Variants in GRAMD1C observed in about 807,000 individuals in gnomAD.
GRAMD1C encodes protein Aster-C.
GRAMD1C carries 89 observed loss-of-function variants against 97.8 expected under a neutral mutation model. That is an observed-to-expected ratio of 0.91 (90% CI 0.77 to 1.09). The LOEUF (loss-of-function observed/expected upper bound fraction) is 1.09, where lower values mean the gene tolerates loss of function less well. Ranked by LOEUF, GRAMD1C falls within the 50% of genes least tolerant of loss-of-function variation. The probability of loss-of-function intolerance (pLI) is 0.00; values close to 1 mark genes in which losing one functional copy is unlikely to be tolerated. For synonymous variants in GRAMD1C, 256 were observed against 267.0 expected, an observed-to-expected ratio of 0.96 and a Z score of 0.40; for missense variants, 740 against 766.4, an observed-to-expected ratio of 0.97 and a Z score of 0.41.
At chr3:113,941,276 G>A (rs2107384770) in intron 17 of GRAMD1C, among the ~76,000 whole-genome samples, 1 of 152,258 alleles carries the variant, frequency 6.6e-6, no homozygotes, top group Non-Finnish European at 1.5e-5. Flanking sequence ...TATTGCTATT[G>A]AGAATTCTGA....
At chr3:113,933,774 C>T (rs1937524112) in intron 12 of GRAMD1C, 121 bp downstream of exon 12, 8 of 706,472 alleles carry the variant, frequency 1.1e-5, no homozygotes, top group Non-Finnish European at 1.9e-5. Flanking sequence ...ATTACATTTC[C>T]AACAGGGGTG....
intron 6 of GRAMD1C, chr3:113,885,771 C>A: frequency 1.3e-6 from 2 of 1,596,386 alleles, no homozygotes; most frequent in Non-Finnish European, 1.7e-6. Context: ...ATATTACAGA[C>A]AGCACTGCAC....
At chr3:113,918,565 C>G (rs779328550) in intron 10 of GRAMD1C, among the ~76,000 whole-genome samples, 3 of 152,202 alleles carry the variant, frequency 2.0e-5, no homozygotes, top group Admixed American at 2.0e-4. Context: ...ACTTCTAAAC[C>G]TAAACAGTTA....
intron 8 of GRAMD1C, among the ~76,000 whole-genome samples, chr3:113,904,774 A>G (rs940800274): frequency 6.6e-6 from 1 of 152,156 alleles, no homozygotes; most frequent in African/African-American, 2.4e-5. Context: ...ATTATACTCA[A>G]TTACTTAGTT....
intron 6 of GRAMD1C, chr3:113,885,605 T>G: frequency 6.5e-7 from 1 of 1,527,814 alleles, no homozygotes; most frequent in Non-Finnish European, 9.1e-7. Context: ...ACAAACATTC[T>G]GTCCGGTTTT....
intron 11 of GRAMD1C, among the ~76,000 whole-genome samples, chr3:113,932,367 C>A (rs755946406): frequency 6.6e-6 from 1 of 152,128 alleles, no homozygotes; most frequent in South Asian, 2.1e-4. Flanking sequence ...GGAAGCCCCC[C>A]CAACCCCCTT....
intron 2 of GRAMD1C, among the ~76,000 whole-genome samples, chr3:113,855,602 G>A (rs1448367946): frequency 2.0e-5 from 3 of 151,914 alleles, no homozygotes; most frequent in East Asian, 3.9e-4. Context: ...CTACTTGGAA[G>A]GCTGAGGTGG....
At chr3:113,919,271 CT>C in intron 10 of GRAMD1C, 1 of 439,764 alleles carries the variant, frequency 2.3e-6, no homozygotes, top group Non-Finnish European at 4.5e-6. Context: ...ATTGATATGT[CT>C]TTAATGATGG....
upstream of GRAMD1C, among the ~76,000 whole-genome samples, chr3:113,838,024 C>T (rs1454840137): frequency 6.6e-6 from 1 of 152,110 alleles, no homozygotes; most frequent in Admixed American, 6.5e-5. Flanking sequence ...AGCAGGTGTC[C>T]GAGGCAATAG....
At chr3:113,845,883 A>G (rs761146457) in intron 2 of GRAMD1C, among the ~76,000 whole-genome samples, 38 of 149,620 alleles carry the variant, frequency 2.5e-4, no homozygotes, top group Non-Finnish European at 5.3e-4. Context: ...TGGAATCTTA[A>G]CAGTTATTGA....
chr3:113,854,709 A>G (rs549492694), intron 2 of GRAMD1C, among the ~76,000 whole-genome samples: 132 of 152,314 alleles, frequency 8.7e-4, no homozygotes, highest in African/African-American at 3.1e-3. Flanking sequence ...AAAAACGTAT[A>G]TACTTCTTTA....
At chr3:113,927,611 GGTTGTGCCTGCC>G (rs1042970735) in intron 10 of GRAMD1C, among the ~76,000 whole-genome samples, 6 of 152,192 alleles carry the variant, frequency 3.9e-5, no homozygotes, top group African/African-American at 1.2e-4. Context: ...GGGAACACGG[GGTTGTGCCTGCC>G]CACATAGTTG....
chr3:113,834,086 G>GA (rs1709599756), upstream of GRAMD1C, among the ~76,000 whole-genome samples: 1 of 152,060 alleles, frequency 6.6e-6, no homozygotes, highest in African/African-American at 2.4e-5. Context: ...AAATCTATAG[G>GA]AAAAATTGCA....
At chr3:113,937,187 T>C (rs937365416) in intron 14 of GRAMD1C, among the ~76,000 whole-genome samples, 16 of 152,346 alleles carry the variant, frequency 1.1e-4, no homozygotes, top group South Asian at 1.0e-3. Context: ...TTTGAACACA[T>C]CTTACTTTTA....
chr3:113,909,935 G>A (rs772467860), intron 9 of GRAMD1C, among the ~76,000 whole-genome samples: 12 of 152,104 alleles, frequency 7.9e-5, no homozygotes, highest in Non-Finnish European at 1.3e-4. Flanking sequence ...AGCATGGAAA[G>A]TTCATCATAA....
At chr3:113,895,827 G>T (rs919625147) in intron 6 of GRAMD1C, among the ~76,000 whole-genome samples, 1 of 152,098 alleles carries the variant, frequency 6.6e-6, no homozygotes, top group African/African-American at 2.4e-5. Context: ...TTGCCAGCCA[G>T]CCGTGTCTAG....
chr3:113,850,051 G>A lies in GRAMD1C; in HGVS notation c.174+5402G>A, dbSNP rs1034109300. 5.3e-5 allele frequency among the ~76,000 whole-genome samples: 8 copies of A among 152,064 alleles called. No homozygotes were observed. In the East Asian group the frequency reaches 9.7e-4, roughly 18 times the overall value. On this transcript the variant is annotated intron_variant, in intron 2 of 17. Coordinates refer to ENST00000358160, the MANE Select transcript of GRAMD1C (RefSeq NM_017577.5). ...CCCCCACCTCCCTCCCGGACGGGGC[G>A]GCTGGCCGGACGGGGGGCTGAACCC... is the stretch of plus-strand genomic sequence containing the variant.
At chr3:113,855,686 C>T (rs1386185341) in intron 2 of GRAMD1C, among the ~76,000 whole-genome samples, 2 of 148,268 alleles carry the variant, frequency 1.3e-5, no homozygotes, top group African/African-American at 2.5e-5. Flanking sequence ...GCCTGGGTGA[C>T]GAGTGAGACT....
Position 113,885,873 on chromosome 3 carries a change from AG to A in GRAMD1C, c.540+3043del. The A allele has an allele frequency of 1.9e-6, 3 of 1,612,606 alleles. No homozygotes were observed. In the South Asian group the frequency reaches 3.3e-5, roughly 18 times the overall value. On this transcript the variant is annotated intron_variant, in intron 6 of 17. Coordinates refer to ENST00000358160, the MANE Select transcript of GRAMD1C (RefSeq NM_017577.5). The stretch of plus-strand genomic sequence containing the variant: ...CCTGGATAACTCCCTAGGGGCTTAC[AG>A]GAGCCATCCAGACAATGCCATCCCC...
Sources: gnomAD v4.1 joint callset for allele counts (sites outside exome capture counted in the v4.1 genomes callset) on GRCh38, gnomAD v4.1.1 for gene constraint, MANE v1.5 for transcripts, NCBI Gene and HGNC (gene_info 2026-07-23, HGNC 2026-07-21) for gene names.